The following MYRIP variants were observed in gnomAD, a reference collection of about 807,000 sequenced individuals.
MYRIP encodes rab effector MyRIP.
A neutral mutation model predicts 98.0 loss-of-function variants in MYRIP; 49 were observed. The ratio of observed to expected loss-of-function variants is 0.50; its 90% CI spans 0.40 to 0.63. MYRIP has a LOEUF of 0.63. Among genes scored for constraint, MYRIP ranks in the 30% least tolerant of loss-of-function variants. The pLI is 0.00. For missense variants in MYRIP, 1,004 were observed against 1,058.2 expected (o/e 0.95, Z 0.71); for synonymous variants, 404 against 409.5 (o/e 0.99, Z 0.16).
intron 3 of MYRIP, among the ~76,000 whole-genome samples, chr3:40,049,792 A>C (rs1947751776): frequency 6.6e-6 from 1 of 152,178 alleles, no homozygotes; most frequent in African/African-American, 2.4e-5. Flanking sequence ...TCTTGAAGGA[A>C]GTTAAAAGTG....
At chr3:39,874,006 T>C (rs1162697326) in intron 1 of MYRIP, among the ~76,000 whole-genome samples, 1 of 150,328 alleles carries the variant, frequency 6.7e-6, no homozygotes, top group African/African-American at 2.4e-5. Flanking sequence ...GTATCCTCTT[T>C]TATTTCCTTG....
chr3:40,215,668 C>T (rs1952097559), intron 11 of MYRIP, among the ~76,000 whole-genome samples: 1 of 152,178 alleles, frequency 6.6e-6, no homozygotes, highest in Admixed American at 6.6e-5. Context: ...GTCTGACGTT[C>T]ATAAAATAAC....
intron 1 of MYRIP, among the ~76,000 whole-genome samples, chr3:39,854,441 T>G (rs1430417430): frequency 6.6e-6 from 1 of 152,130 alleles, no homozygotes; most frequent in Non-Finnish European, 1.5e-5. Flanking sequence ...TTGTTGACAT[T>G]TTTCAGTGCA....
chr3:40,024,581 T>C (rs1447287797), intron 2 of MYRIP, among the ~76,000 whole-genome samples: 1 of 151,912 alleles, frequency 6.6e-6, no homozygotes, highest in Non-Finnish European at 1.5e-5. Context: ...TTTTTTTTTT[T>C]TTTACATGTC....
intron 11 of MYRIP, among the ~76,000 whole-genome samples, chr3:40,230,572 C>A (rs757007645): frequency 6.6e-6 from 1 of 152,182 alleles, no homozygotes; most frequent in Non-Finnish European, 1.5e-5. Flanking sequence ...GGTTAAGTGC[C>A]CTGCCCCTGT....
At chr3:40,063,916 G>A (rs1948074476) in intron 3 of MYRIP, among the ~76,000 whole-genome samples, 2 of 152,144 alleles carry the variant, frequency 1.3e-5, no homozygotes, top group African/African-American at 2.4e-5. Context: ...AGTGGCTAGA[G>A]CAACAACATG....
At chr3:40,135,757 C>T (rs541477893) in intron 3 of MYRIP, among the ~76,000 whole-genome samples, 1 of 152,164 alleles carries the variant, frequency 6.6e-6, no homozygotes, top group Non-Finnish European at 1.5e-5. Context: ...GAATTTTCAA[C>T]CCAGAATTTC....
chr3:40,111,511 T>G (rs1461887461), intron 3 of MYRIP, among the ~76,000 whole-genome samples: 2 of 152,042 alleles, frequency 1.3e-5, no homozygotes, highest in African/African-American at 4.8e-5. Flanking sequence ...ACACAAAGGT[T>G]TTGTGATATA....
chr3:40,059,130 G>T (rs1947947059), intron 3 of MYRIP, among the ~76,000 whole-genome samples: 1 of 152,108 alleles, frequency 6.6e-6, no homozygotes, highest in Admixed American at 6.6e-5. Flanking sequence ...TTTTGTGGCT[G>T]CATAGTATTC....
intron 1 of MYRIP, among the ~76,000 whole-genome samples, chr3:39,886,281 T>G (rs1355627326): frequency 6.6e-6 from 1 of 151,150 alleles, no homozygotes; most frequent in Non-Finnish European, 1.5e-5. Context: ...CTGCATCAAC[T>G]AACGAGCAAA....
chr3:40,139,945 C>T (rs1041192728), intron 3 of MYRIP, among the ~76,000 whole-genome samples: 2 of 152,208 alleles, frequency 1.3e-5, no homozygotes, highest in African/African-American at 2.4e-5. Context: ...TTTATCCATT[C>T]ACCTGCTGAT....
At chr3:40,156,878 C>A (rs1363808585) in intron 4 of MYRIP, among the ~76,000 whole-genome samples, 1 of 151,524 alleles carries the variant, frequency 6.6e-6, no homozygotes, top group East Asian at 1.9e-4. Flanking sequence ...TGCTTATCAG[C>A]TTAAGGAGAT....
intron 2 of MYRIP, among the ~76,000 whole-genome samples, chr3:39,947,578 A>G (rs1000374771): frequency 2.0e-4 from 31 of 152,156 alleles, no homozygotes; most frequent in Non-Finnish European, 2.5e-4. Context: ...TCTACAGACT[A>G]GCAGCCATGG....
chr3:40,005,307 T>C (rs1231648084), intron 2 of MYRIP, among the ~76,000 whole-genome samples: 1 of 152,246 alleles, frequency 6.6e-6, no homozygotes, highest in African/African-American at 2.4e-5. Context: ...CTGTAACTCA[T>C]AGTACCTGGC....
Position 40,258,067 on chromosome 3 carries a change from A to G in MYRIP, c.2548-67A>G, listed in dbSNP as rs1272111296. On this transcript the variant is annotated intron_variant, in intron 16 of 16. Transcript: ENST00000302541. ...TTGATATTAAAAAGCAGTAAACATT[A>G]TTTTTCATTGCTTCTTCTCACTCTT... 1.9e-6 allele frequency: 3 copies of G among 1,557,960 alleles called. No individual in the cohort carries two copies. The African/African-American group carries it at 4.1e-5, about 21-fold the overall frequency.
intron 10 of MYRIP, among the ~76,000 whole-genome samples, chr3:40,191,317 C>T (rs1951203287): frequency 6.6e-6 from 1 of 152,152 alleles, no homozygotes; most frequent in African/African-American, 2.4e-5. Context: ...CTAAATACAC[C>T]CTGCTCATTC....
intron 3 of MYRIP, chr3:40,099,981 C>G: frequency 4.1e-6 from 4 of 984,866 alleles, no homozygotes; most frequent in Non-Finnish European, 4.8e-6. Flanking sequence ...TTTCACAGCT[C>G]TCCGTCACCT....
intron 8 of MYRIP, among the ~76,000 whole-genome samples, chr3:40,175,465 T>TCCTC (rs1214339291): frequency 1.3e-5 from 2 of 152,174 alleles, no homozygotes; most frequent in Non-Finnish European, 2.9e-5. Context: ...CCACTTCTCT[T>TCCTC]CCTCCCTCCC....
At chr3:39,936,840 A>G (rs1204982446) in intron 2 of MYRIP, among the ~76,000 whole-genome samples, 1 of 152,066 alleles carries the variant, frequency 6.6e-6, no homozygotes, top group East Asian at 1.9e-4. Context: ...CACTGAAGCC[A>G]AGTTGTCATT....
Sources: allele counts gnomAD v4.1 joint callset (sites outside exome capture counted in the v4.1 genomes callset), GRCh38; gene constraint gnomAD v4.1.1; transcripts MANE v1.5; gene names NCBI Gene and HGNC (gene_info 2026-07-23, HGNC 2026-07-21).